The following DYNC1I2 variants were observed in gnomAD, a reference collection of about 807,000 sequenced individuals.
DYNC1I2 encodes dynein cytoplasmic 1 intermediate chain 2.
In DYNC1I2, 53 loss-of-function variants were observed where a neutral mutation model predicts 88.6. The ratio of observed to expected loss-of-function variants is 0.60; its 90% CI spans 0.48 to 0.75. DYNC1I2 has a LOEUF of 0.75. DYNC1I2 is among the 30% of genes least tolerant of loss of function. DYNC1I2 has a pLI of 0.00. For missense variants in DYNC1I2, 458 were observed against 766.6 expected, an observed-to-expected ratio of 0.60 and a Z score of 4.75; for synonymous variants, 198 against 254.6, an observed-to-expected ratio of 0.78 and a Z score of 2.12.
At chr2:171,697,526 G>A (rs1425534580) in intron 3 of DYNC1I2, among the ~76,000 whole-genome samples, 3 of 151,864 alleles carry the variant, frequency 2.0e-5, no homozygotes, top group African/African-American at 4.8e-5. Flanking sequence ...GATCTAATTC[G>A]AACTGTGTGT....
At chr2:171,723,301 C>G (rs1160902513) in intron 7 of DYNC1I2, among the ~76,000 whole-genome samples, 1 of 152,114 alleles carries the variant, frequency 6.6e-6, no homozygotes, top group East Asian at 1.9e-4. Context: ...CTGGGTGATT[C>G]AAAATTCCTA....
intron 15 of DYNC1I2, 28 bp from the exon 16 acceptor site, chr2:171,744,021 G>C (rs142476114): frequency 1.3e-6 from 2 of 1,597,988 alleles, no homozygotes; most frequent in Non-Finnish European, 1.7e-6. Flanking sequence ...TATATGGACT[G>C]TGCTAAGAAT....
intron 1 of DYNC1I2, 72 bp downstream of exon 1, chr2:171,687,699 G>C (rs1685062964): frequency 6.6e-6 from 1 of 152,308 alleles, no homozygotes; most frequent in Non-Finnish European, 1.5e-5. Context: ...ACCTCGTTCT[G>C]GTGAGGCTAT....
At chr2:171,704,694 T>C (rs1686541113) in intron 3 of DYNC1I2, among the ~76,000 whole-genome samples, 1 of 152,126 alleles carries the variant, frequency 6.6e-6, no homozygotes, top group Non-Finnish European at 1.5e-5. Context: ...AGTTGATTAG[T>C]GTTTCTGTTT....
intron 16 of DYNC1I2, among the ~76,000 whole-genome samples, chr2:171,744,663 T>C (rs1689664791): frequency 6.6e-6 from 1 of 152,196 alleles, no homozygotes; most frequent in Admixed American, 6.6e-5. Context: ...GTTTTTTCTA[T>C]GAAGGATTGA....
intron 13 of DYNC1I2, 123 bp downstream of exon 13, chr2:171,728,541 A>G (rs531401183): frequency 2.0e-5 from 16 of 802,218 alleles, no homozygotes; most frequent in Admixed American, 1.4e-4. Context: ...ATAAGCTGAA[A>G]CGTGTTTAAT....
At chr2:171,706,609 C>CTAG in intron 4 of DYNC1I2, 45 bp downstream of exon 4, 1 of 1,558,166 alleles carries the variant, frequency 6.4e-7, no homozygotes, top group Non-Finnish European at 8.8e-7. Context: ...TTGCATGCAT[C>CTAG]ACTTTATGTT....
intron 3 of DYNC1I2, among the ~76,000 whole-genome samples, chr2:171,705,259 A>T (rs1409518498): frequency 1.3e-5 from 2 of 152,080 alleles, no homozygotes; most frequent in South Asian, 2.1e-4. Context: ...AACATTTTTT[A>T]AAAATGTAGT....
chr2:171,702,749 G>A (rs1159051958), intron 3 of DYNC1I2, among the ~76,000 whole-genome samples: 1 of 149,718 alleles, frequency 6.7e-6, no homozygotes, highest in Admixed American at 6.6e-5. Flanking sequence ...TTTTTAAACA[G>A]TCTCACTCTG....
chr2:171,703,180 C>T (rs1306997390), intron 3 of DYNC1I2, among the ~76,000 whole-genome samples: 1 of 152,184 alleles, frequency 6.6e-6, no homozygotes, highest in East Asian at 1.9e-4. Context: ...GTCTTACCGC[C>T]TGGTAAGGGC....
chr2:171,725,586 GTT>G lies in DYNC1I2; in HGVS notation c.512-26_512-25del, dbSNP rs761551330. 28 of 1,244,850 alleles carry G rather than the reference GTT, an allele frequency of 2.2e-5. No individual in the cohort carries two copies. In the African/African-American group the frequency reaches 4.9e-4, roughly 22 times the overall value. 77.1% of individuals were successfully genotyped at this position (1,244,850 alleles called of 1,614,324 possible). A position where few individuals can be genotyped will look rare whatever the true frequency, so the allele number is the denominator to read the frequency against. ...ATTTATTATATCATTCTGTTTTTTT[GTT>G]TTTTTGTTTGTTTTTTTTTTTTTTT... On this transcript the variant is annotated intron_variant, in intron 7 of 17. Coordinates refer to ENST00000397119, the MANE Select transcript of DYNC1I2 (RefSeq NM_001378.3).
chr2:171,690,864 C>T (rs899686181), intron 2 of DYNC1I2, among the ~76,000 whole-genome samples: 3 of 152,016 alleles, frequency 2.0e-5, no homozygotes, highest in Non-Finnish European at 4.4e-5. Flanking sequence ...CCATGTTACC[C>T]AGGCTGGTCT....
chr2:171,747,080 G>C (rs1032487992), intron 17 of DYNC1I2, among the ~76,000 whole-genome samples: 1 of 151,478 alleles, frequency 6.6e-6, no homozygotes, highest in Non-Finnish European at 1.5e-5. Flanking sequence ...TGTAATCCCA[G>C]CTACTGGGGA....
rs55862813 is a variant in DYNC1I2 at position 171,710,122 on chromosome 2, T to TACACACAC, written c.336-2609_336-2602dup. ...GAGTATATTCATTTTTATGTATATA[T>TACACACAC]ACACACACACACACACACACACACA... On this transcript the variant is annotated intron_variant, in intron 5 of 17. Transcript: ENST00000397119. 8.7e-3 allele frequency among the ~76,000 whole-genome samples: 1,251 copies of TACACACAC among 144,406 alleles called. 16 individuals carry two copies. Among genetic ancestry groups the TACACACAC allele is most frequent in the East Asian group, 0.038 (185 of 4,884 alleles). The allele number at this position is 144,406 out of a possible 152,430, so 94.7% of individuals were successfully genotyped here.
chr2:171,689,096 T>G (rs542761373), intron 1 of DYNC1I2, among the ~76,000 whole-genome samples: 2 of 152,344 alleles, frequency 1.3e-5, no homozygotes, highest in East Asian at 3.9e-4. Context: ...CAGATTGTAA[T>G]TGTGTCTACC....
chr2:171,731,239 A>T (rs1688585644), intron 15 of DYNC1I2, among the ~76,000 whole-genome samples: 1 of 152,186 alleles, frequency 6.6e-6, no homozygotes, highest in African/African-American at 2.4e-5. Context: ...GTAGAAGAAG[A>T]TTCTCAAAGC....
intron 4 of DYNC1I2, 41 bp from the exon 5 acceptor site, chr2:171,707,246 C>T: frequency 1.2e-6 from 2 of 1,613,666 alleles, no homozygotes; most frequent in Non-Finnish European, 1.7e-6. Flanking sequence ...AGCAACCTCT[C>T]CGTGTAGTAA....
At chr2:171,715,552 T>C in intron 7 of DYNC1I2, 109 bp downstream of exon 7, 1 of 720,538 alleles carries the variant, frequency 1.4e-6, no homozygotes, top group Non-Finnish European at 2.2e-6. Flanking sequence ...TTTTGTGTTT[T>C]GGCATGTTTT....
chr2:171,717,959 CTTTTTTTT>C (rs575201805), intron 7 of DYNC1I2, among the ~76,000 whole-genome samples: 1 of 136,746 alleles, frequency 7.3e-6, no homozygotes, highest in African/African-American at 2.7e-5. Flanking sequence ...TGAAGACTTT[CTTTTTTTT>C]TTTTTTTTTG....
Sources: allele counts gnomAD v4.1 joint callset (sites outside exome capture counted in the v4.1 genomes callset), GRCh38; gene constraint gnomAD v4.1.1; transcripts MANE v1.5; gene names NCBI Gene and HGNC (gene_info 2026-07-23, HGNC 2026-07-21).